The following HECW1 variants were observed in gnomAD, a reference collection of about 807,000 sequenced individuals.
The protein encoded by HECW1 is HECT, C2 and WW domain containing E3 ubiquitin protein ligase 1, also known as E3 ubiquitin-protein ligase HECW1.
A neutral mutation model predicts 182.3 loss-of-function variants in HECW1; 61 were observed. The ratio of observed to expected loss-of-function variants is 0.33; its 90% CI spans 0.27 to 0.41. The LOEUF is 0.41. HECW1 is among the 10% of genes least tolerant of loss of function. The pLI is 1.00. For synonymous variants in HECW1, 859 were observed against 832.6 expected (o/e 1.03, Z -0.55); for missense variants, 1,739 against 2,108.9 (o/e 0.82, Z 3.44).
intron 26 of HECW1, among the ~76,000 whole-genome samples, chr7:43,547,284 C>T (rs138433785): frequency 5.3e-4 from 80 of 152,228 alleles, no homozygotes; most frequent in Non-Finnish European, 7.4e-4. Flanking sequence ...CATGGTGGCT[C>T]ATGCCTGTAA....
intron 2 of HECW1, among the ~76,000 whole-genome samples, chr7:43,185,751 C>T (rs1172170190): frequency 6.6e-6 from 1 of 152,106 alleles, no homozygotes; most frequent in African/African-American, 2.4e-5. Flanking sequence ...TTCAAAAGCA[C>T]AGATGACTGT....
At chr7:43,372,683 G>A (rs1440432104) in intron 6 of HECW1, among the ~76,000 whole-genome samples, 1 of 151,384 alleles carries the variant, frequency 6.6e-6, no homozygotes, top group Non-Finnish European at 1.5e-5. Context: ...TTTTTTACAA[G>A]GAAAAAGCCT....
At chr7:43,483,858 T>C (rs1366784647) in intron 17 of HECW1, among the ~76,000 whole-genome samples, 2 of 152,108 alleles carry the variant, frequency 1.3e-5, no homozygotes, top group Non-Finnish European at 2.9e-5. Context: ...CACAAACTTA[T>C]ATTTTTAAAA....
intron 29 of HECW1, among the ~76,000 whole-genome samples, chr7:43,557,664 G>C (rs1284655178): frequency 6.6e-6 from 1 of 152,178 alleles, no homozygotes; most frequent in Non-Finnish European, 1.5e-5. Context: ...GTCATAATAA[G>C]TTAGAAGTTC....
intron 2 of HECW1, among the ~76,000 whole-genome samples, chr7:43,169,675 A>G (rs867275625): frequency 2.7e-5 from 4 of 146,674 alleles, no homozygotes; most frequent in African/African-American, 1.0e-4. Flanking sequence ...TTATCTTTGT[A>G]TCTTTTTTTC....
chr7:43,436,162 T>TCA (rs1205117488), intron 8 of HECW1, among the ~76,000 whole-genome samples: 2 of 29,004 alleles, frequency 6.9e-5, no homozygotes, highest in South Asian at 9.9e-4. Flanking sequence ...AGACTTTGTC[T>TCA]CAAAAAAAAA....
At chr7:43,321,629 T>C (rs1252084519) in intron 5 of HECW1, among the ~76,000 whole-genome samples, 1 of 152,232 alleles carries the variant, frequency 6.6e-6, no homozygotes, top group African/African-American at 2.4e-5. Flanking sequence ...CAATGTGGCA[T>C]GTCAGAAAGG....
At chr7:43,330,660 G>A (rs560905512) in intron 5 of HECW1, among the ~76,000 whole-genome samples, 3 of 152,302 alleles carry the variant, frequency 2.0e-5, no homozygotes, top group South Asian at 2.1e-4. Flanking sequence ...GTGGAGGGTG[G>A]CCATGTGGGG....
Position 43,445,486 on chromosome 7 carries a change from G to A in HECW1, c.2314G>A (p.Glu772Lys). The A allele has an allele frequency of 4.3e-6, 7 of 1,612,210 alleles. No homozygotes were observed. Among genetic ancestry groups the A allele is most frequent in the Non-Finnish European group, 5.9e-6 (7 of 1,179,302 alleles). Reference sequence around the variant, plus strand: ...GAACGGCGCTGGGCCGTGGCAAGACGAGCTGGCCGCCCCTAGCGGGCACGT... The same window carrying A: ...GAACGGCGCTGGGCCGTGGCAAGACAAGCTGGCCGCCCCTAGCGGGCACGT... ...STNGAGPWQDELAAPSGHVER... is the reference protein window; with the variant it reads ...STNGAGPWQDKLAAPSGHVER... Residue 772 changes from glutamate (E) to lysine (K), a missense_variant, in exon 11 of 30, where the codon GAG becomes AAG. By Grantham distance (56) the Glu-to-Lys change is moderately conservative. Around this residue, in one of 5 missense-constraint regions of HECW1, gnomAD observed 971 missense variants for 1,029.1 expected, o/e 0.94. Coordinates refer to ENST00000395891, the MANE Select transcript of HECW1 (RefSeq NM_015052.5).
chr7:43,317,687 A>G (rs1809502255), intron 4 of HECW1, among the ~76,000 whole-genome samples: 2 of 152,160 alleles, frequency 1.3e-5, no homozygotes, highest in Admixed American at 6.5e-5. Flanking sequence ...TTCTTGTGTG[A>G]TACTTGTGAT....
intron 2 of HECW1, among the ~76,000 whole-genome samples, chr7:43,195,427 G>T (rs960267017): frequency 2.6e-4 from 40 of 152,302 alleles, no homozygotes; most frequent in African/African-American, 9.6e-4. Flanking sequence ...GCCTCAGGAA[G>T]TTGCCCACAC....
intron 16 of HECW1, among the ~76,000 whole-genome samples, chr7:43,472,362 A>G (rs963697558): frequency 4.6e-5 from 7 of 152,172 alleles, no homozygotes; most frequent in African/African-American, 1.7e-4. Flanking sequence ...TCACTTACAC[A>G]TTTATTAGGT....
intron 24 of HECW1, among the ~76,000 whole-genome samples, chr7:43,514,445 C>G (rs927880191): frequency 6.6e-6 from 1 of 151,944 alleles, no homozygotes; most frequent in African/African-American, 2.4e-5. Context: ...CATGCCACCA[C>G]GCCCAGCTAA....
At chr7:43,259,095 A>T (rs1800893403) in intron 3 of HECW1, among the ~76,000 whole-genome samples, 1 of 152,248 alleles carries the variant, frequency 6.6e-6, no homozygotes, top group Admixed American at 6.5e-5. Context: ...TCTACAAAAA[A>T]TGTCCACTTT....
At chr7:43,172,025 C>T (rs923666119) in intron 2 of HECW1, among the ~76,000 whole-genome samples, 3 of 151,862 alleles carry the variant, frequency 2.0e-5, no homozygotes, top group African/African-American at 7.3e-5. Flanking sequence ...CATCTGTAAT[C>T]CCAGCACTTT....
At chr7:43,339,398 C>G (rs1364016936) in intron 5 of HECW1, among the ~76,000 whole-genome samples, 7 of 152,218 alleles carry the variant, frequency 4.6e-5, no homozygotes, top group Admixed American at 4.6e-4. Flanking sequence ...CTGCTAAACA[C>G]ATGCATAAAG....
At chr7:43,128,324 G>A (rs1323876001) in intron 2 of HECW1, among the ~76,000 whole-genome samples, 1 of 152,186 alleles carries the variant, frequency 6.6e-6, no homozygotes, top group African/African-American at 2.4e-5. Flanking sequence ...AATGCAGCTG[G>A]TGACTAAGTT....
In HECW1 at chr7:43,565,641, A is replaced by C. The variant is rs2082311782; in HGVS notation, c.*3715A>C. The stretch of plus-strand genomic sequence containing the variant: ...ATTATTAAAACTACCGCAATACTAT[A>C]TCATAAAAATCTGGGATGGATGTTC... On this transcript the variant is annotated 3_prime_UTR_variant, in exon 30 of 30. Transcript: ENST00000395891. 5.6e-6 allele frequency: 1 copy of C among 177,786 alleles called. No homozygotes were observed. The highest frequency in any genetic ancestry group is 1.2e-5 in the Non-Finnish European group (1 of 83,104). The allele number at this position is 177,786 out of a possible 1,614,324, so 11.0% of individuals were successfully genotyped here.
At chr7:43,400,536 A>C (rs900221386) in intron 7 of HECW1, among the ~76,000 whole-genome samples, 2 of 152,224 alleles carry the variant, frequency 1.3e-5, no homozygotes, top group Non-Finnish European at 2.9e-5. Context: ...GAGAAAAAGA[A>C]ACTATTCTAT....
Sources: gnomAD v4.1 joint callset for allele counts (sites outside exome capture counted in the v4.1 genomes callset) on GRCh38, gnomAD v4.1.1 for gene constraint, gnomAD v4.1.1 regional missense constraint, MANE v1.5 for transcripts, NCBI Gene and HGNC (gene_info 2026-07-23, HGNC 2026-07-21) for gene names.